Variants in TMCC1 observed in about 807,000 individuals in gnomAD.
The protein encoded by TMCC1 is transmembrane and coiled-coil domain family 1, also known as transmembrane and coiled-coil domains protein 1.
Under a neutral mutation model 52.4 loss-of-function variants are expected in TMCC1, and 15 were observed. The observed-to-expected ratio is 0.29, with a 90% CI of 0.19 to 0.44. The LOEUF (loss-of-function observed/expected upper bound fraction) is 0.44. Ranked by LOEUF, TMCC1 falls within the 20% of genes least tolerant of loss-of-function variation. The probability of loss-of-function intolerance (pLI) is 1.00; values close to 1 mark genes in which losing one functional copy is unlikely to be tolerated. For synonymous variants in TMCC1, 279 were observed against 301.9 expected (o/e 0.92, Z 0.79); for missense variants, 503 against 806.0 (o/e 0.62, Z 4.55).
chr3:129,891,646 A>C (rs2061966965), intron 1 of TMCC1, among the ~76,000 whole-genome samples: 1 of 152,192 alleles, frequency 6.6e-6, no homozygotes, highest in African/African-American at 2.4e-5. Flanking sequence ...TATATTCCTC[A>C]TTCCCATACA....
intron 4 of TMCC1, among the ~76,000 whole-genome samples, chr3:129,672,003 G>A (rs191130444): frequency 1.0e-3 from 158 of 152,308 alleles, no homozygotes; most frequent in African/African-American, 3.4e-3. Flanking sequence ...TCAGGGACAA[G>A]GATCAGGTCT....
rs72987361 is a variant in TMCC1 at position 129,827,821 on chromosome 3, C to T, written c.558G>A (p.Glu186=). The T allele has an allele frequency of 0.079, 127,736 of 1,613,348 alleles. 5,647 individuals are homozygous for T. Among genetic ancestry groups the T allele is most frequent in the African/African-American group, 0.15 (11,565 of 74,998 alleles). ...AAAAAACLPG[E]EGTAERIERL... ...AACTTACCCGCTCCGCAGTTCCCTC[C>T]TCTCCTGGTAGACATGCAGCAGCAG... is the stretch of plus-strand genomic sequence containing the variant. Residue 186 remains glutamate (E), a synonymous_variant, in exon 4 of 7, where the codon GAG becomes GAA. Transcript: ENST00000393238.
At chr3:129,682,231 A>G (rs970574331) in intron 4 of TMCC1, among the ~76,000 whole-genome samples, 5 of 152,150 alleles carry the variant, frequency 3.3e-5, no homozygotes, top group Non-Finnish European at 1.5e-5. Flanking sequence ...TCCTGGCCTC[A>G]AGCAAGTCTC....
chr3:129,814,325 A>G (rs142455530), intron 4 of TMCC1, among the ~76,000 whole-genome samples: 158 of 152,308 alleles, frequency 1.0e-3, no homozygotes, highest in African/African-American at 3.4e-3. Flanking sequence ...GTGATCTAAC[A>G]TAAGTTGCCA....
intron 2 of TMCC1, among the ~76,000 whole-genome samples, chr3:129,850,217 A>C (rs912322982): frequency 6.6e-6 from 1 of 152,234 alleles, no homozygotes; most frequent in Non-Finnish European, 1.5e-5. Context: ...ACAAATGTTT[A>C]AGTGCCTTAA....
chr3:129,681,744 C>T (rs1045283584), intron 4 of TMCC1, among the ~76,000 whole-genome samples: 6 of 151,758 alleles, frequency 4.0e-5, no homozygotes, highest in Non-Finnish European at 8.8e-5. Context: ...CCCGTCTTTA[C>T]TAAAAATACA....
At chr3:129,691,986 T>C (rs2047060800) in intron 4 of TMCC1, among the ~76,000 whole-genome samples, 2 of 152,176 alleles carry the variant, frequency 1.3e-5, no homozygotes, top group African/African-American at 4.8e-5. Flanking sequence ...TTAAATATGC[T>C]AGACAAAGAA....
intron 3 of TMCC1, among the ~76,000 whole-genome samples, chr3:129,829,089 G>A (rs2058787194): frequency 6.6e-6 from 1 of 152,200 alleles, no homozygotes; most frequent in Admixed American, 6.5e-5. Flanking sequence ...GCTCTTTTGA[G>A]AAGAGAATGG....
intron 6 of TMCC1, among the ~76,000 whole-genome samples, chr3:129,653,507 G>A (rs1356587698): frequency 6.6e-6 from 1 of 152,188 alleles, no homozygotes; most frequent in East Asian, 1.9e-4. Context: ...GCAGCGGCGC[G>A]ATCTCAGCTC....
At chr3:129,655,239 G>A (rs1418360399) in intron 5 of TMCC1, 136 bp from the exon 6 acceptor site, 2 of 1,058,276 alleles carry the variant, frequency 1.9e-6, no homozygotes, top group Non-Finnish European at 2.7e-6. Flanking sequence ...GGTTAACAGG[G>A]TGTGCCAGTG....
chr3:129,721,678 G>A (rs989757289), intron 4 of TMCC1, among the ~76,000 whole-genome samples: 10 of 143,526 alleles, frequency 7.0e-5, no homozygotes, highest in African/African-American at 2.6e-4. Context: ...GGCTAACACC[G>A]TGAAACCCCA....
At chr3:129,690,553 G>A (rs149285170) in intron 4 of TMCC1, among the ~76,000 whole-genome samples, 4 of 152,252 alleles carry the variant, frequency 2.6e-5, no homozygotes, top group African/African-American at 9.6e-5. Context: ...CCCTTTGCAA[G>A]GCCATGTGAC....
At chr3:129,764,373 G>A (rs1029977030) in intron 4 of TMCC1, among the ~76,000 whole-genome samples, 1 of 152,078 alleles carries the variant, frequency 6.6e-6, no homozygotes, top group Non-Finnish European at 1.5e-5. Flanking sequence ...GGAAATCAAA[G>A]TTTCCCTTTA....
Position 129,834,325 on chromosome 3 carries a change from T to C in TMCC1, c.-183-1499A>G, listed in dbSNP as rs1305190735. On this transcript the variant is annotated intron_variant, in intron 2 of 6. Transcript: ENST00000393238. Reference sequence around the variant, plus strand: ...TCTGAATAGGGGAAATAAGATTAAATGGGTAAGGCTGGGAAGTTAAAGAGG... The same window carrying C: ...TCTGAATAGGGGAAATAAGATTAAACGGGTAAGGCTGGGAAGTTAAAGAGG... Among the ~76,000 whole-genome samples the C allele has an allele frequency of 2.0e-5, 3 of 152,142 alleles. No homozygotes were observed. In the East Asian group the frequency reaches 5.8e-4, roughly 29 times the overall value.
At chr3:129,698,647 T>C (rs984482600) in intron 4 of TMCC1, among the ~76,000 whole-genome samples, 2 of 152,230 alleles carry the variant, frequency 1.3e-5, no homozygotes, top group Non-Finnish European at 2.9e-5. Flanking sequence ...GGGTCTGTAC[T>C]TTTTCTTTTT....
intron 4 of TMCC1, among the ~76,000 whole-genome samples, chr3:129,677,553 A>G (rs2088563734): frequency 6.6e-6 from 1 of 152,226 alleles, no homozygotes; most frequent in South Asian, 2.1e-4. Context: ...CTTCAATGAT[A>G]CAGTGTCATT....
chr3:129,751,886 A>C (rs1341676378), intron 4 of TMCC1, among the ~76,000 whole-genome samples: 1 of 152,122 alleles, frequency 6.6e-6, no homozygotes, highest in Non-Finnish European at 1.5e-5. Flanking sequence ...TATCTTCAAC[A>C]TTCATACTGA....
At chr3:129,758,634 T>C (rs2053225179) in intron 4 of TMCC1, among the ~76,000 whole-genome samples, 1 of 152,244 alleles carries the variant, frequency 6.6e-6, no homozygotes, top group African/African-American at 2.4e-5. Context: ...TTTCCTTTTA[T>C]GTCTTCCCAA....
chr3:129,662,792 G>C (rs1327213040), intron 5 of TMCC1, among the ~76,000 whole-genome samples: 1 of 152,166 alleles, frequency 6.6e-6, no homozygotes, highest in Non-Finnish European at 1.5e-5. Context: ...AGTAGCATGA[G>C]ATTAATAATC....
Sources: gnomAD v4.1 joint callset for allele counts (sites outside exome capture counted in the v4.1 genomes callset) on GRCh38, gnomAD v4.1.1 for gene constraint, MANE v1.5 for transcripts, NCBI Gene and HGNC (gene_info 2026-07-23, HGNC 2026-07-21) for gene names.